FBXL13: variants seen among roughly 807,000 people sequenced by gnomAD.
FBXL13 encodes F-box and leucine rich repeat protein 13, also known as F-box and leucine-rich repeat protein 13.
FBXL13 carries 67 observed loss-of-function variants against 83.6 expected under a neutral mutation model. The ratio of observed to expected loss-of-function variants is 0.80; its 90% CI spans 0.66 to 0.98. The LOEUF is 0.98. FBXL13 is among the 50% of genes least tolerant of loss of function. FBXL13 has a pLI of 0.00. For synonymous variants in FBXL13, 272 were observed against 299.5 expected, an observed-to-expected ratio of 0.91 and a Z score of 0.95; for missense variants, 822 against 866.5, an observed-to-expected ratio of 0.95 and a Z score of 0.64.
At chr7:102,821,142 C>G (rs1798753434) in intron 19 of FBXL13, among the ~76,000 whole-genome samples, 1 of 152,176 alleles carries the variant, frequency 6.6e-6, no homozygotes, top group African/African-American at 2.4e-5. Flanking sequence ...TTGGCAGAGA[C>G]TCCTAGGACC....
chr7:102,834,882 G>A (rs1438618683), intron 17 of FBXL13, among the ~76,000 whole-genome samples: 1 of 85,444 alleles, frequency 1.2e-5, no homozygotes, highest in Non-Finnish European at 2.3e-5. Context: ...TCCACAATGT[G>A]TGTGTGTGTG....
At chr7:102,875,775 T>A (rs1349748030) in intron 16 of FBXL13, among the ~76,000 whole-genome samples, 4 of 152,054 alleles carry the variant, frequency 2.6e-5, no homozygotes, top group Admixed American at 6.6e-5. Flanking sequence ...CTACTGTCCC[T>A]ATGCTGGAAG....
chr7:102,822,719 T>G (rs545665267), intron 18 of FBXL13, among the ~76,000 whole-genome samples: 1 of 152,364 alleles, frequency 6.6e-6, no homozygotes, highest in Non-Finnish European at 1.5e-5. Context: ...AGTGAGTTGT[T>G]TAACTGTTTC....
rs779981550 is a variant in FBXL13 at position 102,877,608 on chromosome 7, C to A, written c.1509-15G>T. ...AATTAGGGCAGCTAAAAGAAAGTAG[C>A]ATGGATTAATTTTAGCTGTCAATCA... On this transcript the variant is annotated splice_polypyrimidine_tract_variant and intron_variant, in intron 15 of 19. Transcript: ENST00000313221. 5.1e-5 allele frequency: 82 copies of A among 1,599,358 alleles called. No homozygotes were observed. In the African/African-American group the frequency reaches 8.9e-4, roughly 17 times the overall value.
intron 6 of FBXL13, among the ~76,000 whole-genome samples, chr7:103,008,975 G>C (rs1269804070): frequency 6.6e-6 from 1 of 152,104 alleles, no homozygotes; most frequent in Admixed American, 6.5e-5. Flanking sequence ...GCATACTCTT[G>C]TTAGGTCCTT....
At chr7:102,880,869 T>C (rs541863274) in intron 14 of FBXL13, among the ~76,000 whole-genome samples, 2 of 152,312 alleles carry the variant, frequency 1.3e-5, no homozygotes, top group African/African-American at 4.8e-5. Flanking sequence ...ACTTTGAGTC[T>C]TGCTCAGAGC....
At chr7:102,878,479 G>C (rs770757934) in intron 14 of FBXL13, 29 bp from the exon 16 acceptor site, 1 of 1,502,370 alleles carries the variant, frequency 6.7e-7, no homozygotes, top group Admixed American at 1.9e-5. Context: ...AATTTTACAT[G>C]TGATTCTATA....
intron 16 of FBXL13, among the ~76,000 whole-genome samples, chr7:102,869,780 TC>T (rs1284099680): frequency 6.6e-6 from 1 of 152,202 alleles, no homozygotes; most frequent in Non-Finnish European, 1.5e-5. Flanking sequence ...AAAAATCAGC[TC>T]GCTATAAATG....
At chr7:102,860,679 C>CTGTGTG (rs150779937) in intron 16 of FBXL13, among the ~76,000 whole-genome samples, 48 of 150,650 alleles carry the variant, frequency 3.2e-4, no homozygotes, top group African/African-American at 1.0e-3. Flanking sequence ...TTGGAATGCT[C>CTGTGTG]TGTGTGTGTG....
chr7:103,068,950 G>A (rs899788281), intron 1 of FBXL13, among the ~76,000 whole-genome samples: 4 of 152,182 alleles, frequency 2.6e-5, no homozygotes, highest in South Asian at 2.1e-4. Flanking sequence ...GAGGGCCCAC[G>A]GCCACCACGC....
intron 16 of FBXL13, among the ~76,000 whole-genome samples, chr7:102,860,978 G>GTT (rs571666016): frequency 4.7e-5 from 7 of 147,678 alleles, no homozygotes; most frequent in South Asian, 2.3e-4. Flanking sequence ...TTTATATATA[G>GTT]TTATATATAT....
intron 8 of FBXL13, chr7:102,933,683 G>C: frequency 2.9e-6 from 1 of 344,064 alleles, no homozygotes; most frequent in South Asian, 6.1e-5. Context: ...GAACTAGAAG[G>C]CCTTTGCCTT....
intron 11 of FBXL13, among the ~76,000 whole-genome samples, chr7:102,894,268 G>T (rs1277612828): frequency 6.6e-6 from 1 of 152,194 alleles, no homozygotes; most frequent in East Asian, 1.9e-4. Flanking sequence ...TTTGCAGTTT[G>T]TACAGCCTAC....
chr7:102,972,489 G>A (rs1168987086), intron 6 of FBXL13, among the ~76,000 whole-genome samples: 1 of 151,924 alleles, frequency 6.6e-6, no homozygotes, highest in Non-Finnish European at 1.5e-5. Flanking sequence ...GAAATAGAAT[G>A]TATATCATCT....
intron 8 of FBXL13, among the ~76,000 whole-genome samples, chr7:102,948,284 A>C (rs1341835656): frequency 6.6e-6 from 1 of 151,516 alleles, no homozygotes; most frequent in East Asian, 1.9e-4. Context: ...AGCTGGTCTC[A>C]AACTCCTGAC....
intron 8 of FBXL13, among the ~76,000 whole-genome samples, chr7:102,936,483 T>C (rs1057114366): frequency 6.6e-6 from 1 of 152,246 alleles, no homozygotes; most frequent in African/African-American, 2.4e-5. Context: ...TAAGTAAATG[T>C]AGTTTTTCTA....
intron 2 of FBXL13, among the ~76,000 whole-genome samples, chr7:103,033,732 T>C (rs1306081016): frequency 6.6e-6 from 1 of 152,084 alleles, no homozygotes; most frequent in African/African-American, 2.4e-5. Context: ...GCAGCAAGAT[T>C]TATTGCAAAG....
intron 14 of FBXL13, 135 bp from the exon 16 acceptor site, chr7:102,878,585 ATTT>A (rs745365076): frequency 1.1e-4 from 50 of 461,440 alleles, no homozygotes; most frequent in Non-Finnish European, 1.5e-4. Flanking sequence ...TTTTGTCAAT[ATTT>A]TAAAACCAAA....
At chr7:102,826,123 G>A (rs1400991302) in intron 18 of FBXL13, among the ~76,000 whole-genome samples, 2 of 151,930 alleles carry the variant, frequency 1.3e-5, no homozygotes, top group African/African-American at 4.8e-5. Context: ...TTATACTTTT[G>A]TTTCTTCTCC....
Sources: allele counts gnomAD v4.1 joint callset (sites outside exome capture counted in the v4.1 genomes callset), GRCh38; gene constraint gnomAD v4.1.1; transcripts MANE v1.5; gene names NCBI Gene and HGNC (gene_info 2026-07-23, HGNC 2026-07-21).